The following BRCA2 variants were observed in gnomAD, a reference collection of about 807,000 sequenced individuals.
BRCA2 encodes the protein breast cancer type 2 susceptibility protein.
Under a neutral mutation model 276.7 loss-of-function variants are expected in BRCA2, and 203 were observed. That is an observed-to-expected ratio of 0.73 (90% CI 0.65 to 0.82). The LOEUF is 0.82. BRCA2 is among the 40% of genes least tolerant of loss of function. The pLI is 0.00. For missense variants in BRCA2, 3,920 were observed against 3,915.0 expected, an observed-to-expected ratio of 1.00 and a Z score of -0.03; for synonymous variants, 1,289 against 1,338.4, an observed-to-expected ratio of 0.96 and a Z score of 0.81.
rs80359623 is a variant in BRCA2 at position 32,341,108 on chromosome 13, TTC to T, written c.6757_6758del (p.Leu2253PhefsTer7). 14 of 1,613,970 alleles carry T rather than the reference TTC, an allele frequency of 8.7e-6. No homozygotes were observed. Among genetic ancestry groups the T allele is most frequent in the Non-Finnish European group, 1.2e-5 (14 of 1,179,926 alleles). ...DSKLPSHATHSLFTCPENEEM... is the reference protein window; with the variant it reads ...DSKLPSHATHXLFTCPENEEM... ...CTAAACTGCCAAGTCATGCCACACA[TTC>T]TCTTTTTACATGTCCCGAAAATGAG... On this transcript the variant is annotated frameshift_variant, in exon 11 of 27. Coordinates refer to ENST00000380152, the MANE Select transcript of BRCA2 (RefSeq NM_000059.4). LOFTEE classifies it high-confidence loss of function.
intron 4 of BRCA2, among the ~76,000 whole-genome samples, chr13:32,325,831 T>C (rs2072341365): frequency 6.6e-6 from 1 of 152,224 alleles, no homozygotes; most frequent in Non-Finnish European, 1.5e-5. Flanking sequence ...TGAACCACTG[T>C]GCCCGGCCTA....
intron 13 of BRCA2, among the ~76,000 whole-genome samples, chr13:32,349,441 G>A (rs759390092): frequency 6.6e-6 from 1 of 152,070 alleles, no homozygotes; most frequent in Non-Finnish European, 1.5e-5. Context: ...TTTACACTCA[G>A]GTCTCAAAAG....
At chr13:32,347,021 T>C (rs898991053) in intron 13 of BRCA2, 125 bp downstream of exon 13, 4 of 692,116 alleles carry the variant, frequency 5.8e-6, no homozygotes, top group Non-Finnish European at 9.4e-6. Context: ...TTTTATAAAA[T>C]TTATAAAATA....
At chr13:32,388,932 C>G (rs1295517813) in intron 24 of BRCA2, among the ~76,000 whole-genome samples, 1 of 152,114 alleles carries the variant, frequency 6.6e-6, no homozygotes, top group Non-Finnish European at 1.5e-5. Context: ...TCAACTTTGT[C>G]ATTTTATTAT....
intron 3 of BRCA2, among the ~76,000 whole-genome samples, chr13:32,323,946 T>G (rs901972782): frequency 2.0e-5 from 3 of 152,220 alleles, no homozygotes; most frequent in African/African-American, 7.2e-5. Context: ...CTTTAGAAAC[T>G]CTGAACATTA....
rs80358978 is a variant in BRCA2 at position 32,356,514 on chromosome 13, G to A, written c.7522G>A (p.Gly2508Ser). 3.2e-5 allele frequency: 52 copies of A among 1,614,108 alleles called. No homozygotes were observed. The East Asian group carries it at 1.1e-3, about 35-fold the overall frequency. ...AAGGCAACGCGTCTTTCCACAGCCAGGCAGTCTGTATCTTGCAAAAACATC... is the reference window on the plus strand; with the variant it reads ...AAGGCAACGCGTCTTTCCACAGCCAAGCAGTCTGTATCTTGCAAAAACATC... ...KQRQRVFPQP[G>S]SLYLAKTSTL... Residue 2508 changes from glycine (G) to serine (S), a missense_variant, in exon 15 of 27, where the codon GGC becomes AGC. Physicochemically the swap from Gly to Ser is moderately conservative, Grantham distance 56. Coordinates refer to ENST00000380152, the MANE Select transcript of BRCA2 (RefSeq NM_000059.4).
chr13:32,376,523 A>G, intron 20 of BRCA2, 147 bp from the exon 21 acceptor site: 1 of 512,926 alleles, frequency 1.9e-6, no homozygotes, highest in Non-Finnish European at 2.9e-6. Context: ...CCCTGTCTCA[A>G]AAAAAAAAAA....
rs763639231 is a variant in BRCA2, at chr13:32,340,770, G to A, written c.6415G>A (p.Glu2139Lys). The change falls in exon 11 of 27, where the codon GAA becomes AAA. Residue 2139 changes from glutamate to lysine, a missense_variant. Glu to Lys is a moderately conservative substitution (Grantham distance 56). This residue lies in a region of BRCA2 where 3,263 missense variants were observed against 3,156.9 expected (regional missense o/e 1.03). Coordinates refer to ENST00000380152, the MANE Select transcript of BRCA2 (RefSeq NM_000059.4). ...EFKLSNNLNVEGGSSENNHSI... is the reference protein window; with the variant it reads ...EFKLSNNLNVKGGSSENNHSI... ...TAAATTATCAAATAACTTAAATGTT[G>A]AAGGTGGTTCTTCAGAAAATAATCA... 4 of 1,598,450 alleles carry A rather than the reference G, an allele frequency of 2.5e-6. No homozygotes were observed. In the Admixed American group the frequency reaches 5.4e-5, roughly 22 times the overall value.
chr13:32,330,987 G>T lies in BRCA2; in HGVS notation c.750G>T (p.Val250=). 1 of 1,613,524 alleles carries T rather than the reference G, an allele frequency of 6.2e-7. No individual in the cohort carries two copies. The highest frequency in any genetic ancestry group is 1.1e-5 in the South Asian group (1 of 91,044). The change falls in exon 9 of 27, where the codon GTG becomes GTT. Residue 250 remains valine, a synonymous_variant. Transcript: ENST00000380152. ...LKKNDRFIAS[V]TDSENTNQRE... The stretch of plus-strand genomic sequence containing the variant: ...AAAATGATAGATTTATCGCTTCTGT[G>T]ACAGACAGTGAAAACACAAATCAAA...
At chr13:32,359,668 C>T (rs963637956) in intron 16 of BRCA2, among the ~76,000 whole-genome samples, 27 of 152,082 alleles carry the variant, frequency 1.8e-4, no homozygotes, top group Non-Finnish European at 3.5e-4. Context: ...TTACATCTTG[C>T]GTATCTTATA....
At chr13:32,329,551 G>C (rs2137458811) in intron 8 of BRCA2, 59 bp downstream of exon 8, 1 of 1,286,364 alleles carries the variant, frequency 7.8e-7, no homozygotes, top group South Asian at 1.2e-5. Flanking sequence ...GGAATGCCTT[G>C]TTAAATTATT....
At chr13:32,330,792 T>C in intron 8 of BRCA2, 127 bp from the exon 9 acceptor site, 1 of 629,448 alleles carries the variant, frequency 1.6e-6, no homozygotes, top group South Asian at 1.9e-5. Context: ...CCATTAAAAA[T>C]TTTTGGACCT....
chr13:32,393,243 T>C lies in BRCA2; in HGVS notation c.9257-1446T>C, dbSNP rs2073009822. On this transcript the variant is annotated intron_variant, in intron 24 of 26. Transcript: ENST00000380152. Reference sequence around the variant, plus strand: ...GACTGAATCCTATTTCACATCAAACTAGCATTCATCAGTTGATTTTGTTTG... The same window carrying C: ...GACTGAATCCTATTTCACATCAAACCAGCATTCATCAGTTGATTTTGTTTG... Among the ~76,000 whole-genome samples, 2 of 152,190 alleles carry C rather than the reference T, an allele frequency of 1.3e-5. 1 individual carries two copies. Among genetic ancestry groups the C allele is most frequent in the South Asian group, 4.1e-4 (2 of 4,830 alleles).
intron 24 of BRCA2, among the ~76,000 whole-genome samples, chr13:32,383,228 C>T (rs1048206116): frequency 5.6e-5 from 8 of 143,604 alleles, no homozygotes; most frequent in South Asian, 2.2e-4. Context: ...GGTGTGGTGG[C>T]GGGCGCCTGC....
At position 32,340,809 on chromosome 13, in the gene BRCA2, T is replaced by A. The variant is rs1555284705; in HGVS notation, c.6454T>A (p.Ser2152Thr). ...AGAAAATAATCACTCTATTAAAGTT[T>A]CTCCATATCTCTCTCAATTTCAACA... Reference protein sequence around the residue: ...SSENNHSIKVSPYLSQFQQDK... With the variant: ...SSENNHSIKVTPYLSQFQQDK... The change falls in exon 11 of 27, where the codon TCT becomes ACT. Residue 2152 changes from serine to threonine, a missense_variant. Physicochemically the swap from Ser to Thr is moderately conservative, Grantham distance 58 (BLOSUM62 1). Transcript: ENST00000380152. 6.3e-7 allele frequency: 1 copy of A among 1,587,948 alleles called. No homozygotes were observed. Among genetic ancestry groups the A allele is most frequent in the South Asian group, 1.2e-5 (1 of 85,738 alleles).
At position 32,338,034 on chromosome 13, in the gene BRCA2, CTG is replaced by C. The variant is rs80359395; in HGVS notation, c.3680_3681del (p.Leu1227GlnfsTer5). 30 of 1,611,868 alleles carry C rather than the reference CTG, an allele frequency of 1.9e-5. No homozygotes were observed. The highest frequency in any genetic ancestry group is 4.0e-5 in the African/African-American group (3 of 74,788). ...RGFYSAHGTK[L>X]NVSTEALQKA... ...CTTTTATTCTGCTCATGGCACAAAA[CTG>C]AATGTTTCTACTGAAGCTCTGCAAA... On this transcript the variant is annotated frameshift_variant, in exon 11 of 27. Coordinates refer to ENST00000380152, the MANE Select transcript of BRCA2 (RefSeq NM_000059.4). LOFTEE classifies it high-confidence loss of function.
rs398122758 is a variant in BRCA2, at chr13:32,337,336, C to T, written c.2981C>T (p.Ala994Val). 2 of 1,613,570 alleles carry T rather than the reference C, an allele frequency of 1.2e-6. No individual in the cohort carries two copies. Among genetic ancestry groups the T allele is most frequent in the Non-Finnish European group, 1.7e-6 (2 of 1,179,874 alleles). ...EKNNDYMNKW[A>V]GLLGPISNHS... ...AATAATGATTACATGAACAAATGGG[C>T]AGGACTCTTAGGTCCAATTTCAAAT... Residue 994 changes from alanine (A) to valine (V), a missense_variant, in exon 11 of 27, where the codon GCA becomes GTA. Physicochemically the swap from Ala to Val is moderately conservative, Grantham distance 64. Around this residue, in one of 2 missense-constraint regions of BRCA2, gnomAD observed 3,263 missense variants for 3,156.9 expected, o/e 1.03. Coordinates refer to ENST00000380152, the MANE Select transcript of BRCA2 (RefSeq NM_000059.4).
At chr13:32,318,959 C>A in intron 2 of BRCA2, 118 bp from the exon 3 acceptor site, 1 of 1,368,776 alleles carries the variant, frequency 7.3e-7, no homozygotes, top group Non-Finnish European at 1.0e-6. Flanking sequence ...TATGCCTTAA[C>A]AAAAGTAATC....
In BRCA2 at chr13:32,346,897, G is replaced by C. The variant is rs397507891; in HGVS notation, c.7007+1G>C. The C allele has an allele frequency of 6.2e-7, 1 of 1,603,072 alleles. No homozygotes were observed. The highest frequency in any genetic ancestry group is 8.5e-7 in the Non-Finnish European group (1 of 1,173,398). The stretch of plus-strand genomic sequence containing the variant: ...AGCCGATTACCTGTGTACCCTTTCG[G>C]TAAGACATGTTTAAATTTTTCTAAA... On this transcript the variant is annotated splice_donor_variant, in intron 13 of 26. Transcript: ENST00000380152. LOFTEE classifies it high-confidence loss of function.
Sources: allele counts gnomAD v4.1 joint callset (sites outside exome capture counted in the v4.1 genomes callset), GRCh38; gene constraint gnomAD v4.1.1; regional missense constraint gnomAD v4.1.1; transcripts MANE v1.5; gene names NCBI Gene and HGNC (gene_info 2026-07-23, HGNC 2026-07-21).